DLG2: variants seen among roughly 807,000 people sequenced by gnomAD.
The protein encoded by DLG2 is discs large MAGUK scaffold protein 2, also known as disks large homolog 2.
DLG2 carries 45 observed loss-of-function variants against 132.5 expected under a neutral mutation model. The observed-to-expected ratio is 0.34, with a 90% CI of 0.27 to 0.44. The LOEUF (loss-of-function observed/expected upper bound fraction) is 0.44, where lower values mean the gene tolerates loss of function less well. Ranked by LOEUF, DLG2 falls within the 20% of genes least tolerant of loss-of-function variation. DLG2 has a pLI of 1.00. For synonymous variants in DLG2, 424 were observed against 419.6 expected (o/e 1.01, Z -0.13); for missense variants, 1,045 against 1,196.9 (o/e 0.87, Z 1.87).
intron 7 of DLG2, among the ~76,000 whole-genome samples, chr11:84,297,107 T>C (rs2098099750): frequency 6.8e-6 from 1 of 147,300 alleles, no homozygotes; most frequent in East Asian, 2.0e-4. Context: ...TACTCACCCA[T>C]GTGAGGTAAC....
At chr11:84,916,217 C>T (rs564077142) in intron 6 of DLG2, among the ~76,000 whole-genome samples, 241 of 150,180 alleles carry the variant, frequency 1.6e-3, no homozygotes, top group African/African-American at 5.5e-3. Context: ...GGCGTAGTGG[C>T]GGGCGCCTGT....
intron 3 of DLG2, among the ~76,000 whole-genome samples, chr11:85,356,644 G>T (rs2083713093): frequency 6.6e-6 from 1 of 152,112 alleles, no homozygotes; most frequent in Non-Finnish European, 1.5e-5. Context: ...ATCAGTCAAT[G>T]ATCTCAAGCT....
chr11:85,357,270 G>GTT (rs1463057153), intron 3 of DLG2, among the ~76,000 whole-genome samples: 1 of 149,998 alleles, frequency 6.7e-6, no homozygotes, highest in Non-Finnish European at 1.5e-5. Context: ...GTGTGTGTGT[G>GTT]TGTGTGTGTG....
intron 19 of DLG2, among the ~76,000 whole-genome samples, chr11:83,557,840 C>G: frequency 6.6e-6 from 1 of 152,176 alleles, no homozygotes; most frequent in East Asian, 1.9e-4. Context: ...AGGGAACTAA[C>G]TTGTTGTGAA....
chr11:84,406,918 C>A (rs1426697259), intron 7 of DLG2, among the ~76,000 whole-genome samples: 2 of 152,158 alleles, frequency 1.3e-5, no homozygotes, highest in African/African-American at 4.8e-5. Context: ...GAAAAGGAGA[C>A]TGTCAGTCAG....
intron 15 of DLG2, among the ~76,000 whole-genome samples, chr11:83,921,025 T>A (rs2077782722): frequency 6.6e-6 from 1 of 152,182 alleles, no homozygotes; most frequent in Non-Finnish European, 1.5e-5. Flanking sequence ...TTAAGCACAT[T>A]TAAAAACACA....
At chr11:84,446,980 A>G (rs1385041676) in intron 7 of DLG2, among the ~76,000 whole-genome samples, 1 of 152,230 alleles carries the variant, frequency 6.6e-6, no homozygotes, top group Non-Finnish European at 1.5e-5. Context: ...AAACTAGATC[A>G]TTTAACTAGC....
At chr11:83,893,248 AG>A (rs1442334491) in intron 15 of DLG2, among the ~76,000 whole-genome samples, 1 of 152,212 alleles carries the variant, frequency 6.6e-6, no homozygotes. Context: ...ATTGTTTTCA[AG>A]CATAACATCA....
chr11:84,901,261 T>C (rs749565868), intron 6 of DLG2, among the ~76,000 whole-genome samples: 13 of 152,060 alleles, frequency 8.5e-5, no homozygotes, highest in Non-Finnish European at 8.8e-5. Context: ...TCATTGAGAA[T>C]CTTCTTTTAG....
intron 3 of DLG2, among the ~76,000 whole-genome samples, chr11:85,486,021 G>A (rs1453601879): frequency 6.6e-6 from 1 of 152,194 alleles, no homozygotes; most frequent in Non-Finnish European, 1.5e-5. Context: ...AGAATGAGTA[G>A]ACTTCACTCC....
chr11:85,165,587 C>T (rs1289321797), intron 4 of DLG2, among the ~76,000 whole-genome samples: 3 of 152,152 alleles, frequency 2.0e-5, no homozygotes, highest in Admixed American at 6.6e-5. Flanking sequence ...TCTTTCAGCT[C>T]CTTTCTGCCT....
At chr11:85,333,082 CATGGAATA>C (rs1384449190) in intron 3 of DLG2, among the ~76,000 whole-genome samples, 1 of 152,174 alleles carries the variant, frequency 6.6e-6, no homozygotes, top group Non-Finnish European at 1.5e-5. Flanking sequence ...TATCCATGAG[CATGGAATA>C]ATTTTCCATT....
At chr11:85,503,870 T>C (rs2093863420) in intron 3 of DLG2, among the ~76,000 whole-genome samples, 1 of 152,034 alleles carries the variant, frequency 6.6e-6, no homozygotes, top group Non-Finnish European at 1.5e-5. Context: ...AGATTGAGGC[T>C]GCAGTGAGCT....
intron 3 of DLG2, among the ~76,000 whole-genome samples, chr11:85,505,506 TATG>T (rs2093909145): frequency 6.6e-6 from 1 of 152,232 alleles, no homozygotes; most frequent in African/African-American, 2.4e-5. Flanking sequence ...GTTCTGCTTA[TATG>T]ATGAATTACA....
chr11:83,930,755 C>T (rs1221098054), intron 14 of DLG2, among the ~76,000 whole-genome samples: 5 of 152,180 alleles, frequency 3.3e-5, no homozygotes, highest in Non-Finnish European at 5.9e-5. Context: ...AGAATAGCTG[C>T]TTATAAGGAA....
At chr11:84,879,886 C>T (rs1422042928) in intron 6 of DLG2, among the ~76,000 whole-genome samples, 1 of 152,086 alleles carries the variant, frequency 6.6e-6, no homozygotes, top group Non-Finnish European at 1.5e-5. Context: ...TGAATTCTGG[C>T]ACTTAAATAG....
At chr11:83,788,362 T>C (rs2040591233) in intron 17 of DLG2, among the ~76,000 whole-genome samples, 1 of 152,218 alleles carries the variant, frequency 6.6e-6, no homozygotes, top group African/African-American at 2.4e-5. Flanking sequence ...ACAGAAAGCA[T>C]TGATTACATG....
rs138264169 is a variant in DLG2 at position 84,812,317 on chromosome 11, C to G, written c.358-277586G>C. On this transcript the variant is annotated intron_variant, in intron 6 of 27. Coordinates refer to ENST00000376104, the MANE Select transcript of DLG2 (RefSeq NM_001142699.3). The stretch of plus-strand genomic sequence containing the variant: ...TGAACTTTATAAACTCACAAACATA[C>G]TTGCACCTTTATAGGCACATACTGT... 3.8e-3 allele frequency among the ~76,000 whole-genome samples: 584 copies of G among 152,254 alleles called. 3 individuals carry two copies. Among genetic ancestry groups the G allele is most frequent in the African/African-American group, 0.014 (572 of 41,562 alleles).
intron 6 of DLG2, among the ~76,000 whole-genome samples, chr11:84,915,637 T>C (rs2092404394): frequency 6.6e-6 from 1 of 152,184 alleles, no homozygotes; most frequent in Non-Finnish European, 1.5e-5. Context: ...GCTGGAAACA[T>C]ACTATCATAA....
Sources: allele counts gnomAD v4.1 joint callset (sites outside exome capture counted in the v4.1 genomes callset), GRCh38; gene constraint gnomAD v4.1.1; transcripts MANE v1.5; gene names NCBI Gene and HGNC (gene_info 2026-07-23, HGNC 2026-07-21).